Variants in HAUS7 observed in about 807,000 individuals in gnomAD.
HAUS7 encodes HAUS augmin like complex subunit 7.
HAUS7 carries 3 observed loss-of-function variants against 28.4 expected under a neutral mutation model. The observed-to-expected ratio is 0.11, with a 90% confidence interval of 0.05 to 0.27. The LOEUF is 0.27. HAUS7 is among the 10% of genes least tolerant of loss of function. HAUS7 has a pLI of 1.00. For synonymous variants in HAUS7, 165 were observed against 132.1 expected (o/e 1.25, Z -1.71); for missense variants, 284 against 297.3 (o/e 0.96, Z 0.33).
At chrX:153,482,809 C>T (rs1273074803) in intron 1 of HAUS7, 1 of 713,233 alleles carries the variant, frequency 1.4e-6, no homozygotes, top group African/African-American at 2.3e-5. Context: ...GCAGCCTGCT[C>T]TATCTGAGGC....
intron 7 of HAUS7, 139 bp downstream of exon 7, chrX:153,456,126 G>A (rs782020224): frequency 6.0e-5 from 30 of 500,589 alleles, no homozygotes; most frequent in East Asian, 1.0e-4. Context: ...TCACCTCCCC[G>A]CGGACTGAGC....
chrX:153,482,006 C>A, intron 1 of HAUS7: 1 of 477,604 alleles, frequency 2.1e-6, no homozygotes, highest in Non-Finnish European at 2.6e-6. Context: ...CTGAGGCATC[C>A]ACTCACTGCA....
chrX:153,456,544 C>G lies in HAUS7; in HGVS notation c.554G>C (p.Trp185Ser). Reference sequence around the variant, plus strand: ...GAGGAGGGGCTGCATGTCCAGGGGCCACGGGTCGCACTCTGGATTCAGGAG... The same window carrying G: ...GAGGAGGGGCTGCATGTCCAGGGGCGACGGGTCGCACTCTGGATTCAGGAG... ...QMLLNPECDP[W>S]PLDMQPLLNK... The change falls in exon 6 of 10, where the codon TGG (tryptophan) becomes TCG (serine). Residue 185 changes from tryptophan to serine, a missense_variant. Trp to Ser is a radical substitution (Grantham distance 177). Coordinates refer to ENST00000370211, the MANE Select transcript of HAUS7 (RefSeq NM_001385482.1). 8.5e-7 allele frequency: 1 copy of G among 1,175,599 alleles called. No individual in the cohort carries two copies. Among genetic ancestry groups the G allele is most frequent in the Non-Finnish European group, 1.1e-6 (1 of 877,453 alleles).
intron 1 of HAUS7, among the ~76,000 whole-genome samples, chrX:153,492,534 T>A (rs905862405): frequency 1.8e-5 from 2 of 112,031 alleles, no homozygotes; most frequent in Non-Finnish European, 3.8e-5. Context: ...CGTATTTATA[T>A]GAGTATTGCC....
intron 1 of HAUS7, among the ~76,000 whole-genome samples, chrX:153,478,715 C>T (rs782742377): frequency 2.4e-4 from 27 of 113,023 alleles, no homozygotes; most frequent in South Asian, 7.2e-4. Flanking sequence ...GTCTCAGGCA[C>T]GGGAGGCATA....
In HAUS7 at chrX:153,447,916, A is replaced by G. The variant is rs187882469; in HGVS notation, c.1046-7T>C. The G allele has an allele frequency of 3.1e-4, 371 of 1,191,032 alleles. 1 individual carries two copies. In the African/African-American group the frequency reaches 5.9e-3, roughly 19 times the overall value. ...AGTTCATTCATCTTGGTAGCTGCAGAGGAAAGAAAAGAAACCAAAAGGATG... is the reference window on the plus strand; with the variant it reads ...AGTTCATTCATCTTGGTAGCTGCAGGGGAAAGAAAAGAAACCAAAAGGATG... On this transcript the variant is annotated splice_polypyrimidine_tract_variant and splice_region_variant and intron_variant, in intron 9 of 9. Transcript: ENST00000370211.
chrX:153,461,108 A>AGCC (rs200464004), intron 4 of HAUS7, among the ~76,000 whole-genome samples: 5,975 of 112,345 alleles, frequency 0.053, 353 homozygotes, highest in African/African-American at 0.18. Flanking sequence ...AAGGAACGGC[A>AGCC]GGCAAGAGGC....
At chrX:153,461,736 G>T (rs965309653) in intron 4 of HAUS7, 2 of 217,654 alleles carry the variant, frequency 9.2e-6, no homozygotes, top group Admixed American at 1.5e-4. Context: ...ACGGATGCCA[G>T]CAAGTGCCAG....
At chrX:153,471,036 G>A (rs182839413), upstream of HAUS7, 50 of 325,162 alleles carry the variant, frequency 1.5e-4, no homozygotes, top group Admixed American at 1.6e-3. Flanking sequence ...CCACTAAGGG[G>A]CACCCTGGTT....
chrX:153,462,505 G>A, intron 4 of HAUS7, 105 bp downstream of exon 4: 2 of 676,194 alleles, frequency 3.0e-6, no homozygotes, highest in Non-Finnish European at 4.7e-6. Flanking sequence ...AACCTCAAAG[G>A]CACTAGGGGA....
intron 4 of HAUS7, 65 bp downstream of exon 4, chrX:153,462,545 T>G: frequency 3.4e-6 from 3 of 893,933 alleles, no homozygotes; most frequent in Non-Finnish European, 4.9e-6. Context: ...GCCAGCACCA[T>G]GAGGTTCCCT....
At chrX:153,476,892 G>C (rs782719261) in intron 1 of HAUS7, among the ~76,000 whole-genome samples, 6 of 111,958 alleles carry the variant, frequency 5.4e-5, no homozygotes, top group Admixed American at 4.7e-4. Flanking sequence ...GCTCTTGGGC[G>C]GGGGGGAGGG....
At chrX:153,476,953 T>C (rs1556986333) in intron 1 of HAUS7, among the ~76,000 whole-genome samples, 1 of 112,867 alleles carries the variant, frequency 8.9e-6, no homozygotes, top group Non-Finnish European at 1.9e-5. Context: ...CCCTGAAGGC[T>C]GGCTCTGCTC....
At chrX:153,455,216 G>A (rs112078201) in intron 8 of HAUS7, 12 of 422,825 alleles carry the variant, frequency 2.8e-5, no homozygotes, top group South Asian at 2.3e-4. Context: ...GGAGCGTAAC[G>A]TGACAACAGT....
At chrX:153,450,859 A>G (rs906286411) in intron 9 of HAUS7, among the ~76,000 whole-genome samples, 6 of 112,690 alleles carry the variant, frequency 5.3e-5, no homozygotes, top group African/African-American at 1.9e-4. Context: ...GAGGAGGGCC[A>G]TCGAGACCAC....
intron 4 of HAUS7, among the ~76,000 whole-genome samples, chrX:153,460,919 G>T (rs782521964): frequency 8.9e-6 from 1 of 112,478 alleles, no homozygotes; most frequent in East Asian, 2.8e-4. Context: ...GAGAGGAAAC[G>T]GCTCAAGAAA....
intron 3 of HAUS7, 41 bp downstream of exon 3, chrX:153,464,947 A>T: frequency 1.1e-6 from 1 of 907,831 alleles, no homozygotes; most frequent in Non-Finnish European, 1.6e-6. Flanking sequence ...CTCCATAAGG[A>T]GGCTGTGGAC....
At chrX:153,465,968 C>T (rs1248776008) in intron 2 of HAUS7, among the ~76,000 whole-genome samples, 1 of 112,775 alleles carries the variant, frequency 8.9e-6, no homozygotes, top group African/African-American at 3.2e-5. Context: ...TTCCACCAGG[C>T]TGCCAGAGCC....
chrX:153,485,816 C>T (rs2089632805), intron 1 of HAUS7: 1 of 904,149 alleles, frequency 1.1e-6, no homozygotes, highest in Admixed American at 4.8e-5. Flanking sequence ...GGTGCACGTG[C>T]CCCGCTTCCT....
Sources: gnomAD v4.1 joint callset for allele counts (sites outside exome capture counted in the v4.1 genomes callset) on GRCh38, gnomAD v4.1.1 for gene constraint, MANE v1.5 for transcripts, NCBI Gene and HGNC (gene_info 2026-07-23, HGNC 2026-07-21) for gene names.